Variants in ARL17B observed in about 807,000 individuals in gnomAD.
ARL17B encodes the protein ARF like GTPase 17B.
chr17:46,357,191 A>T (rs1276622090), intron 2 of ARL17B, among the ~76,000 whole-genome samples: 4 of 108,212 alleles, frequency 3.7e-5, no homozygotes, highest in Non-Finnish European at 1.8e-5. Context: ...AAAAAAAAAG[A>T]AAGTTGATCA....
At chr17:46,289,881 A>G (rs1251492103) in intron 4 of ARL17B, among the ~76,000 whole-genome samples, 1 of 152,184 alleles carries the variant, frequency 6.6e-6, no homozygotes, top group Non-Finnish European at 1.5e-5. Context: ...GCAGTTTGGG[A>G]GGCCGAGGGC....
intron 3 of ARL17B, among the ~76,000 whole-genome samples, chr17:46,313,075 G>A (rs1465072700): frequency 2.1e-4 from 20 of 94,528 alleles, no homozygotes; most frequent in South Asian, 4.6e-4. Flanking sequence ...TACCATCAAC[G>A]CAGTATTATA....
chr17:46,278,692 G>A (rs62071628), intron 4 of ARL17B, among the ~76,000 whole-genome samples: 58,417 of 151,584 alleles, frequency 0.39, 11,611 homozygotes, highest in South Asian at 0.65. Flanking sequence ...GTGGGCCACC[G>A]CACCTGGCTG....
intron 4 of ARL17B, among the ~76,000 whole-genome samples, chr17:46,288,258 C>A (rs1478497160): frequency 1.3e-5 from 2 of 151,708 alleles, no homozygotes; most frequent in Non-Finnish European, 2.9e-5. Context: ...CCTCCCACCT[C>A]AGCCTCCCGA....
chr17:46,338,125 TGGTC>T lies in ARL17B; in HGVS notation c.*1371_*1374del, dbSNP rs1464568729. 1.3e-4 allele frequency among the ~76,000 whole-genome samples: 4 copies of T among 31,558 alleles called. No individual in the cohort carries two copies. The highest frequency in any genetic ancestry group is 3.4e-4 in the Admixed American group (1 of 2,910). 20.7% of individuals were successfully genotyped at this position (31,558 alleles called of 152,430 possible). ...GTGGAACCAGCCGTGGTTCTGCTCT[TGGTC>T]GGCTGGAAAGGAGTAGATGTAAGGG... On this transcript the variant is annotated 3_prime_UTR_variant, in exon 4 of 4. Transcript: ENST00000450673.
exon 5 of ARL17B, chr17:46,275,377 G>A (rs2049558014): frequency 4.0e-6 from 4 of 1,010,894 alleles, no homozygotes; most frequent in Middle Eastern, 2.9e-4. Context: ...TTAACATGCT[G>A]AACTTTAGGA....
downstream of ARL17B, among the ~76,000 whole-genome samples, chr17:46,332,880 G>A (rs1056052): frequency 6.6e-6 from 1 of 151,178 alleles, no homozygotes; most frequent in African/African-American, 2.5e-5. Flanking sequence ...GAAACCAAGT[G>A]AATCCCACTA....
intron 4 of ARL17B, among the ~76,000 whole-genome samples, chr17:46,276,834 CACTCTGTA>C (rs2049603147): frequency 7.1e-6 from 1 of 140,692 alleles, no homozygotes; most frequent in Admixed American, 7.7e-5. Flanking sequence ...GACAGGGTCT[CACTCTGTA>C]GCCCAGTCTG....
exon 5 of ARL17B, chr17:46,275,372 A>T: frequency 9.9e-7 from 1 of 1,006,866 alleles, no homozygotes; most frequent in South Asian, 1.3e-5. Flanking sequence ...TTAGGTTAAC[A>T]TGCTGAACTT....
At chr17:46,332,885 C>T, downstream of ARL17B, among the ~76,000 whole-genome samples, 1 of 151,196 alleles carries the variant, frequency 6.6e-6, no homozygotes, top group Non-Finnish European at 1.5e-5. Context: ...CAAGTGAATC[C>T]CACTAGACTA....
chr17:46,317,091 ATTG>A, intron 3 of ARL17B, among the ~76,000 whole-genome samples: 1 of 84,368 alleles, frequency 1.2e-5, no homozygotes, highest in Middle Eastern at 7.6e-3. Flanking sequence ...CAAAACCGCC[ATTG>A]TCATCATGGC....
At chr17:46,289,803 C>T (rs1465697885) in intron 4 of ARL17B, among the ~76,000 whole-genome samples, 3 of 152,112 alleles carry the variant, frequency 2.0e-5, no homozygotes, top group Admixed American at 1.3e-4. Flanking sequence ...AATGAAGGGC[C>T]GAATTAATTT....
At chr17:46,340,918 T>C (rs1400718458) in intron 3 of ARL17B, among the ~76,000 whole-genome samples, 3 of 80,914 alleles carry the variant, frequency 3.7e-5, no homozygotes, top group African/African-American at 1.1e-4. Flanking sequence ...TTTTTTTTTT[T>C]TTTTCCAGAG....
chr17:46,276,203 T>C lies in ARL17B; in HGVS notation c.*22-785A>G, dbSNP rs559326656. The stretch of plus-strand genomic sequence containing the variant: ...ACCAAGGCTGGCCTCACAACTTTTG[T>C]CAGTAAACCAAATTACTGTACAGTT... On this transcript the variant is annotated intron_variant, in intron 4 of 4. Transcript: ENST00000570618. Among the ~76,000 whole-genome samples the C allele has an allele frequency of 4.9e-4, 75 of 152,386 alleles. 1 individual carries two copies. The highest frequency in any genetic ancestry group is 1.8e-3 in the African/African-American group (73 of 41,590).
At chr17:46,278,348 A>G (rs2696530) in intron 4 of ARL17B, among the ~76,000 whole-genome samples, 13,015 of 149,478 alleles carry the variant, frequency 0.087, 2 homozygotes, top group Middle Eastern at 0.15. Flanking sequence ...TCCCACCTCC[A>G]TTTTTGAGTC....
chr17:46,293,095 A>T (rs1244450359), intron 4 of ARL17B: 1 of 47,498 alleles, frequency 2.1e-5, no homozygotes, highest in African/African-American at 5.2e-5. Context: ...CTGGGATTAT[A>T]GACACGCGTC....
In ARL17B at chr17:46,307,740, G is replaced by A. The variant is rs1217262075; in HGVS notation, c.260-8075C>T. 1.8e-3 allele frequency among the ~76,000 whole-genome samples: 137 copies of A among 78,208 alleles called. 1 individual carries two copies. The highest frequency in any genetic ancestry group is 4.0e-3 in the African/African-American group (127 of 31,520). 51.3% of individuals were successfully genotyped at this position (78,208 alleles called of 152,430 possible). A position where few individuals can be genotyped will look rare whatever the true frequency, so the allele number is the denominator to read the frequency against. Reference sequence around the variant, plus strand: ...AGTCCCTCATAAAAATCTGGTGGCCGGGAGCGGTGGCTCATGCCTGTAATT... The same window carrying A: ...AGTCCCTCATAAAAATCTGGTGGCCAGGAGCGGTGGCTCATGCCTGTAATT... On this transcript the variant is annotated intron_variant, in intron 3 of 4. Transcript: ENST00000434041.
At chr17:46,285,713 T>C (rs1320902328) in intron 4 of ARL17B, among the ~76,000 whole-genome samples, 1 of 152,240 alleles carries the variant, frequency 6.6e-6, no homozygotes, top group African/African-American at 2.4e-5. Context: ...GTAAAGCTCA[T>C]GACACTGGTA....
intron 4 of ARL17B, among the ~76,000 whole-genome samples, chr17:46,287,598 A>T (rs1444702388): frequency 6.6e-6 from 1 of 152,288 alleles, no homozygotes; most frequent in Non-Finnish European, 1.5e-5. Context: ...AATCGAATTA[A>T]AAATAATTTC....
Sources: allele counts gnomAD v4.1 joint callset (sites outside exome capture counted in the v4.1 genomes callset), GRCh38; gene constraint gnomAD v4.1.1; transcripts MANE v1.5; gene names NCBI Gene and HGNC (gene_info 2026-07-23, HGNC 2026-07-21).